CFH: variants seen among roughly 807,000 people sequenced by gnomAD.
CFH encodes the protein complement factor H.
CFH carries 53 observed loss-of-function variants against 147.3 expected under a neutral mutation model. The ratio of observed to expected loss-of-function variants is 0.36; its 90% CI spans 0.29 to 0.45. The LOEUF is 0.45. Among genes scored for constraint, CFH ranks in the 20% least tolerant of loss-of-function variants. The probability of loss-of-function intolerance (pLI) is 1.00; values close to 1 mark genes in which losing one functional copy is unlikely to be tolerated. For missense variants in CFH, 1,380 were observed against 1,498.0 expected (o/e 0.92, Z 1.30); for synonymous variants, 536 against 489.4 (o/e 1.10, Z -1.26).
chr1:196,680,553 T>C (rs1378366396), intron 6 of CFH, among the ~76,000 whole-genome samples: 1 of 151,906 alleles, frequency 6.6e-6, no homozygotes, highest in Non-Finnish European at 1.5e-5. Context: ...GCTACAGCTA[T>C]AGTGTGGTGA....
intron 9 of CFH, among the ~76,000 whole-genome samples, chr1:196,697,708 A>C (rs1189842015): frequency 1.3e-5 from 2 of 152,138 alleles, no homozygotes; most frequent in African/African-American, 2.4e-5. Flanking sequence ...ATGTACACGT[A>C]TGTTTATTGC....
chr1:196,697,244 G>T (rs929530108), intron 9 of CFH, among the ~76,000 whole-genome samples: 3 of 152,034 alleles, frequency 2.0e-5, no homozygotes, highest in African/African-American at 4.8e-5. Flanking sequence ...GAAAATTTTT[G>T]CAATCTACTC....
rs962533154 is a variant in CFH at position 196,673,444 on chromosome 1, C to T, written c.244+281C>T. 7 of 420,040 alleles carry T rather than the reference C, an allele frequency of 1.7e-5. No homozygotes were observed. In the East Asian group the frequency reaches 3.3e-4, roughly 20 times the overall value. 26.0% of individuals were successfully genotyped at this position (420,040 alleles called of 1,614,324 possible). On this transcript the variant is annotated intron_variant, in intron 2 of 21. Transcript: ENST00000367429. ...CTCTGCCTCCCTGGTTCAAGCAATT[C>T]TCCTGCCTCAACTTCCCGAGTAGCT...
intron 20 of CFH, among the ~76,000 whole-genome samples, chr1:196,743,901 A>G (rs558823441): frequency 3.9e-5 from 6 of 152,264 alleles, no homozygotes; most frequent in Admixed American, 3.9e-4. Context: ...AATACGTGTA[A>G]TAAAAGATAC....
At chr1:196,694,968 G>A (rs1668201645) in intron 9 of CFH, among the ~76,000 whole-genome samples, 1 of 152,178 alleles carries the variant, frequency 6.6e-6, no homozygotes, top group African/African-American at 2.4e-5. Context: ...TATTCACTCT[G>A]ATGATAGTTT....
intron 1 of CFH, among the ~76,000 whole-genome samples, chr1:196,667,181 A>T (rs1429903842): frequency 1.3e-5 from 2 of 152,176 alleles, no homozygotes; most frequent in Admixed American, 6.5e-5. Context: ...CATGCTGGTA[A>T]ATGTAAAACA....
At chr1:196,694,685 T>C (rs1484984223) in intron 9 of CFH, among the ~76,000 whole-genome samples, 2 of 152,250 alleles carry the variant, frequency 1.3e-5, no homozygotes, top group Non-Finnish European at 2.9e-5. Flanking sequence ...GATGTTTTAA[T>C]GATCGGCATT....
At position 196,726,701 on chromosome 1, in the gene CFH, T is replaced by C; in HGVS notation, c.2056+49T>C. On this transcript the variant is annotated intron_variant, in intron 13 of 21. Transcript: ENST00000367429. ...TAAACTTGTCAAAACTTTTGTATTT[T>C]GTATCTAAAACACATACATCATGTT... is the stretch of plus-strand genomic sequence containing the variant. The C allele has an allele frequency of 1.9e-6, 3 of 1,607,462 alleles. No individual in the cohort carries two copies. In the Admixed American group the frequency reaches 5.0e-5, roughly 27 times the overall value.
At position 196,679,640 on chromosome 1, in the gene CFH, C is replaced by T; in HGVS notation, c.637C>T (p.Pro213Ser). The change falls in exon 6 of 22, where the codon CCA (proline) becomes TCA (serine). Residue 213 changes from proline to serine, a missense_variant. Coordinates refer to ENST00000367429, the MANE Select transcript of CFH (RefSeq NM_000186.4). ...TTATTTAGAAATTTCATGCAAATCC[C>T]CAGATGTTATAAATGGATCTCCTAT... ...PKCVEISCKS[P>S]DVINGSPISQ... 5 of 1,604,598 alleles carry T rather than the reference C, an allele frequency of 3.1e-6. No individual in the cohort carries two copies. Among genetic ancestry groups the T allele is most frequent in the Non-Finnish European group, 3.4e-6 (4 of 1,172,906 alleles).
At chr1:196,719,103 T>C (rs1471502639) in intron 11 of CFH, among the ~76,000 whole-genome samples, 1 of 152,046 alleles carries the variant, frequency 6.6e-6, no homozygotes, top group Non-Finnish European at 1.5e-5. Flanking sequence ...CATATTAACA[T>C]TTCACATATC....
intron 10 of CFH, among the ~76,000 whole-genome samples, chr1:196,714,953 T>A (rs1408434957): frequency 6.6e-6 from 1 of 151,622 alleles, no homozygotes; most frequent in African/African-American, 2.4e-5. Flanking sequence ...CTCCTGCCTC[T>A]CAGTAATATA....
intron 2 of CFH, 66 bp downstream of exon 2, chr1:196,673,229 T>G: frequency 7.5e-7 from 1 of 1,335,144 alleles, no homozygotes; most frequent in Non-Finnish European, 1.1e-6. Context: ...GATTTAATAT[T>G]GTAGCAATTA....
Position 196,716,344 on chromosome 1 carries a change from A to G in CFH, c.1696+575A>G, listed in dbSNP as rs559998795. On this transcript the variant is annotated intron_variant, in intron 11 of 21. Coordinates refer to ENST00000367429, the MANE Select transcript of CFH (RefSeq NM_000186.4). ...TGCAAAGCTGTAAAAACAAAACAAT[A>G]TATTTCAAGGTGGTAAAGCAGAGTC... 2.0e-5 allele frequency among the ~76,000 whole-genome samples: 3 copies of G among 152,252 alleles called. No homozygotes were observed. The South Asian group carries it at 6.2e-4, about 32-fold the overall frequency.
chr1:196,731,713 C>G (rs1163776107), intron 15 of CFH, among the ~76,000 whole-genome samples: 1 of 151,910 alleles, frequency 6.6e-6, no homozygotes, highest in African/African-American at 2.4e-5. Context: ...TTTTTTCAAT[C>G]TCAGAAAGCC....
At chr1:196,744,565 C>T (rs967703231) in intron 20 of CFH, among the ~76,000 whole-genome samples, 12 of 152,102 alleles carry the variant, frequency 7.9e-5, no homozygotes, top group African/African-American at 2.4e-4. Context: ...TCTACTGGCA[C>T]TGACATTTAA....
At chr1:196,675,080 T>C (rs1043387605) in intron 3 of CFH, among the ~76,000 whole-genome samples, 1 of 152,184 alleles carries the variant, frequency 6.6e-6, no homozygotes, top group African/African-American at 2.4e-5. Flanking sequence ...CTGAATTTTT[T>C]AATTTGCTAC....
chr1:196,663,325 C>T (rs562653705), intron 1 of CFH, among the ~76,000 whole-genome samples: 1 of 152,168 alleles, frequency 6.6e-6, no homozygotes, highest in East Asian at 1.9e-4. Context: ...CTCCTGTCCA[C>T]GAATTCTTTT....
chr1:196,714,635 G>GTGTATATATGTATATA (rs1392624278), intron 10 of CFH, among the ~76,000 whole-genome samples: 23 of 24,922 alleles, frequency 9.2e-4, no homozygotes, highest in African/African-American at 3.8e-3. Context: ...ACGTATATAT[G>GTGTATATATGTATATA]TATATATATA....
Position 196,666,375 on chromosome 1 carries a change from T to A in CFH, c.59-6603T>A, listed in dbSNP as rs376578663. 1.2e-4 allele frequency among the ~76,000 whole-genome samples: 18 copies of A among 152,324 alleles called. No individual in the cohort carries two copies. The South Asian group carries it at 3.7e-3, about 32-fold the overall frequency. On this transcript the variant is annotated intron_variant, in intron 1 of 21. Transcript: ENST00000367429. Reference sequence around the variant, plus strand: ...TCTAATTCATTCGAGTTATATTTTTTTCTCTCTAATCAGTGCTTCAGCATC... The same window carrying A: ...TCTAATTCATTCGAGTTATATTTTTATCTCTCTAATCAGTGCTTCAGCATC...
Sources: allele counts gnomAD v4.1 joint callset (sites outside exome capture counted in the v4.1 genomes callset), GRCh38; gene constraint gnomAD v4.1.1; transcripts MANE v1.5; gene names NCBI Gene and HGNC (gene_info 2026-07-23, HGNC 2026-07-21).